The following TSPAN9 variants were observed in gnomAD, a reference collection of about 807,000 sequenced individuals.
TSPAN9 encodes the protein tetraspanin 9.
In TSPAN9, 16 loss-of-function variants were observed where a neutral mutation model predicts 31.0. The ratio of observed to expected loss-of-function variants is 0.52; its 90% CI spans 0.35 to 0.78. TSPAN9 has a LOEUF of 0.78. TSPAN9 is among the 30% of genes least tolerant of loss of function. The pLI is 0.01. For missense variants in TSPAN9, 272 were observed against 312.5 expected (o/e 0.87, Z 0.98); for synonymous variants, 145 against 121.6 (o/e 1.19, Z -1.27).
chr12:3,166,333 C>G (rs1451209481), intron 2 of TSPAN9, among the ~76,000 whole-genome samples: 1 of 152,172 alleles, frequency 6.6e-6, no homozygotes, highest in African/African-American at 2.4e-5. Flanking sequence ...TTTGCACTTT[C>G]CACTAATTTA....
chr12:3,095,560 T>C (rs1309235510), intron 2 of TSPAN9, among the ~76,000 whole-genome samples: 1 of 124,854 alleles, frequency 8.0e-6, no homozygotes, highest in Admixed American at 7.5e-5. Context: ...GGCTCCTCAC[T>C]TCCCAGTAGG....
intron 3 of TSPAN9, among the ~76,000 whole-genome samples, chr12:3,268,441 C>CGTGCGTTCCTGCAGCCTGCCCTCT (rs1862585257): frequency 3.0e-4 from 14 of 46,190 alleles, no homozygotes; most frequent in East Asian, 9.2e-4. Context: ...GCCTGCCCTC[C>CGTGCGTTCCTGCAGCCTGCCCTCT]GTGCGTTCCT....
At chr12:3,222,787 C>T (rs553368516) in intron 3 of TSPAN9, among the ~76,000 whole-genome samples, 13 of 152,332 alleles carry the variant, frequency 8.5e-5, no homozygotes, top group Admixed American at 2.0e-4. Context: ...CCTTGTTCTA[C>T]CATGACTAAT....
intron 2 of TSPAN9, among the ~76,000 whole-genome samples, chr12:3,174,815 C>T (rs75496165): frequency 0.35 from 52,035 of 148,622 alleles, 11,231 homozygotes; most frequent in South Asian, 0.52. Context: ...ATCTCCTGAC[C>T]TCGTGATCCT....
intron 2 of TSPAN9, among the ~76,000 whole-genome samples, chr12:3,196,380 T>A (rs189530886): frequency 1.3e-5 from 2 of 152,324 alleles, no homozygotes; most frequent in Admixed American, 6.5e-5. Flanking sequence ...CAGGACATGA[T>A]ATTTCAGGTT....
chr12:3,145,197 G>A (rs947754341), intron 2 of TSPAN9, among the ~76,000 whole-genome samples: 1 of 152,264 alleles, frequency 6.6e-6, no homozygotes, highest in African/African-American at 2.4e-5. Flanking sequence ...GAGGCCCTCC[G>A]GTCAGGACCG....
intron 2 of TSPAN9, among the ~76,000 whole-genome samples, chr12:3,114,929 C>CATACCATAG (rs2098321419): frequency 6.6e-6 from 1 of 151,738 alleles, no homozygotes. Context: ...ATGTTACTCA[C>CATACCATAG]ATACCATAGA....
Position 3,278,979 on chromosome 12 carries a change from C to T in TSPAN9, c.256-13C>T, listed in dbSNP as rs542692032. On this transcript the variant is annotated splice_polypyrimidine_tract_variant and intron_variant, in intron 4 of 8. Coordinates refer to ENST00000011898, the MANE Select transcript of TSPAN9 (RefSeq NM_006675.5). ...CATTACCACCTACCCATGCCTGGCCCTTTCCTTTCCAGTTTTTCATCGTCC... is the reference window on the plus strand; with the variant it reads ...CATTACCACCTACCCATGCCTGGCCTTTTCCTTTCCAGTTTTTCATCGTCC... The T allele has an allele frequency of 1.9e-6, 3 of 1,614,110 alleles. No individual in the cohort carries two copies. The highest frequency in any genetic ancestry group is 2.2e-5 in the East Asian group (1 of 44,888).
rs111718664 is a variant in TSPAN9, at chr12:3,107,799, G to C, written c.-18+24080G>C. ...ACAAATCCAGATACCTGGTGATATC[G>C]CTAGTGCTACCTGGGCATGAATTCA... is the stretch of plus-strand genomic sequence containing the variant. On this transcript the variant is annotated intron_variant, in intron 2 of 8. Transcript: ENST00000011898. This position sits in a 1 kb window ranked among gnomAD's most constrained non-coding sequence, Gnocchi z 4.1. Among the ~76,000 whole-genome samples the C allele has an allele frequency of 1.8e-3, 271 of 152,276 alleles. 1 individual carries two copies. The highest frequency in any genetic ancestry group is 6.5e-3 in the African/African-American group (268 of 41,548).
chr12:3,206,381 T>TG (rs1429154107), intron 3 of TSPAN9: 2 of 456,042 alleles, frequency 4.4e-6, no homozygotes, highest in Non-Finnish European at 8.8e-6. Flanking sequence ...TGGCTCGTCC[T>TG]GCGCTGAGCA....
rs1863009728 is a variant in TSPAN9 at position 3,286,082 on chromosome 12, C to T, written c.*2966C>T. ...GGCCATCTTTCCAGGCTTTGGTGGC[C>T]CAAGAGCAGTCTGGGTGGATGGAAG... On this transcript the variant is annotated 3_prime_UTR_variant, in exon 9 of 9. Coordinates refer to ENST00000011898, the MANE Select transcript of TSPAN9 (RefSeq NM_006675.5). The surrounding 1 kb of genome is among the most constrained non-coding windows in gnomAD (Gnocchi z 4.1). 6.5e-6 allele frequency: 1 copy of T among 152,714 alleles called. No individual in the cohort carries two copies. Among genetic ancestry groups the T allele is most frequent in the African/African-American group, 2.4e-5 (1 of 41,458 alleles). 9.5% of individuals were successfully genotyped at this position (152,714 alleles called of 1,614,324 possible). A position where few individuals can be genotyped will look rare whatever the true frequency, so the allele number is the denominator to read the frequency against.
At chr12:3,237,262 G>T (rs190084315) in intron 3 of TSPAN9, among the ~76,000 whole-genome samples, 118 of 138,170 alleles carry the variant, frequency 8.5e-4, no homozygotes, top group African/African-American at 3.1e-3. Flanking sequence ...TCTATAGGAA[G>T]CCCATCACAC....
chr12:3,090,232 G>C (rs1462637483), intron 2 of TSPAN9, among the ~76,000 whole-genome samples: 1 of 152,148 alleles, frequency 6.6e-6, no homozygotes, highest in East Asian at 1.9e-4. Flanking sequence ...AGTTGGCGCA[G>C]ACTTGCTGAA....
intron 2 of TSPAN9, among the ~76,000 whole-genome samples, chr12:3,175,087 GT>G (rs995414463): frequency 6.6e-6 from 1 of 152,174 alleles, no homozygotes; most frequent in African/African-American, 2.4e-5. Context: ...ACAACCCTGA[GT>G]GCTGTGCACA....
intron 2 of TSPAN9, among the ~76,000 whole-genome samples, chr12:3,092,620 G>C (rs1843301337): frequency 6.6e-6 from 1 of 152,146 alleles, no homozygotes; most frequent in African/African-American, 2.4e-5. Flanking sequence ...ACTCAGCAGG[G>C]AGCTCTCACT....
rs377097501 is a variant in TSPAN9, at chr12:3,170,253, T to C, written c.-17-30924T>C. On this transcript the variant is annotated intron_variant, in intron 2 of 8. Transcript: ENST00000011898. The surrounding 1 kb of genome is among the most constrained non-coding windows in gnomAD (Gnocchi z 4.4). Reference sequence around the variant, plus strand: ...TTTATGGTGTTTACAGGGAATATTCTGCACTGATCCCTGCCAGGGCTCAGT... The same window carrying C: ...TTTATGGTGTTTACAGGGAATATTCCGCACTGATCCCTGCCAGGGCTCAGT... 6.8e-4 allele frequency among the ~76,000 whole-genome samples: 104 copies of C among 152,232 alleles called. No individual in the cohort carries two copies. Among genetic ancestry groups the C allele is most frequent in the African/African-American group, 2.5e-3 (103 of 41,542 alleles).
At chr12:3,245,653 A>G (rs1862109126) in intron 3 of TSPAN9, among the ~76,000 whole-genome samples, 1 of 152,166 alleles carries the variant, frequency 6.6e-6, no homozygotes, top group East Asian at 1.9e-4. Context: ...CAAAACAGTC[A>G]TAAGAGGGGG....
chr12:3,166,903 T>C (rs1419282442), intron 2 of TSPAN9, among the ~76,000 whole-genome samples: 1 of 152,198 alleles, frequency 6.6e-6, no homozygotes, highest in Non-Finnish European at 1.5e-5. Flanking sequence ...TTCAAGTGAT[T>C]CTCCTGCCTC....
chr12:3,232,601 C>T (rs2098391334), intron 3 of TSPAN9, among the ~76,000 whole-genome samples: 3 of 152,246 alleles, frequency 2.0e-5, no homozygotes. Context: ...GGTTGCAGAA[C>T]TATAGACTTG....
Sources: allele counts gnomAD v4.1 joint callset (sites outside exome capture counted in the v4.1 genomes callset), GRCh38; gene constraint gnomAD v4.1.1; non-coding constraint Gnocchi (gnomAD v3.1); transcripts MANE v1.5; gene names NCBI Gene and HGNC (gene_info 2026-07-23, HGNC 2026-07-21).